Variants in CCDC167 observed in about 807,000 individuals in gnomAD.
The protein encoded by CCDC167 is coiled-coil domain-containing protein 167.
In CCDC167, 15 loss-of-function variants were observed where a neutral mutation model predicts 12.7. The ratio of observed to expected loss-of-function variants is 1.18; its 90% confidence interval spans 0.79 to 1.81. The LOEUF (loss-of-function observed/expected upper bound fraction) is 1.81. Ranked by LOEUF, CCDC167 falls within the 40% of genes most tolerant of loss-of-function variation. The pLI is 0.00. For missense variants in CCDC167, 121 were observed against 120.1 expected (o/e 1.01, Z -0.03); for synonymous variants, 52 against 49.0 (o/e 1.06, Z -0.26).
chr6:37,484,077 AG>A (rs748694576), intron 3 of CCDC167, among the ~76,000 whole-genome samples: 3 of 152,324 alleles, frequency 2.0e-5, no homozygotes, highest in South Asian at 4.1e-4. Flanking sequence ...TCCAGGGCCC[AG>A]GGTGCACCGG....
intron 1 of CCDC167, among the ~76,000 whole-genome samples, chr6:37,497,870 C>T (rs1366015678): frequency 6.6e-6 from 1 of 151,504 alleles, no homozygotes; most frequent in African/African-American, 2.4e-5. Flanking sequence ...CAAAACACAG[C>T]GAAATACCAA....
chr6:37,494,791 C>A (rs2113909558), intron 1 of CCDC167, among the ~76,000 whole-genome samples: 1 of 142,048 alleles, frequency 7.0e-6, no homozygotes, highest in Admixed American at 7.1e-5. Flanking sequence ...ATGCCAGTAG[C>A]CACCTACCTA....
chr6:37,483,140 A>T lies in CCDC167; in HGVS notation c.*46T>A, dbSNP rs1157711261. 5 of 1,467,446 alleles carry T rather than the reference A, an allele frequency of 3.4e-6. No homozygotes were observed. In the African/African-American group the frequency reaches 6.9e-5, roughly 20 times the overall value. The allele number at this position is 1,467,446 out of a possible 1,614,324, so 90.9% of individuals were successfully genotyped here. A position where few individuals can be genotyped will look rare whatever the true frequency, so the allele number is the denominator to read the frequency against. On this transcript the variant is annotated 3_prime_UTR_variant, in exon 4 of 4. Coordinates refer to ENST00000373408, the MANE Select transcript of CCDC167 (RefSeq NM_138493.3). The stretch of plus-strand genomic sequence containing the variant: ...TTGAAGTGCCTGCTTGATCCTGATC[A>T]AGGGGCCAAGTGGAAGCCTGTGCTG...
chr6:37,496,358 G>GGGAGGCT (rs1398610065), intron 1 of CCDC167, among the ~76,000 whole-genome samples: 1 of 152,100 alleles, frequency 6.6e-6, no homozygotes, highest in Non-Finnish European at 1.5e-5. Context: ...GCTTGAACCC[G>GGGAGGCT]GGAGGCTGGA....
intron 1 of CCDC167, among the ~76,000 whole-genome samples, chr6:37,494,305 C>T (rs1329819658): frequency 2.0e-5 from 3 of 152,122 alleles, no homozygotes; most frequent in East Asian, 3.9e-4. Context: ...TCAGGTGATC[C>T]GCCCGCCTGG....
intron 1 of CCDC167, among the ~76,000 whole-genome samples, chr6:37,497,533 T>TGGGGTTG (rs142674563): frequency 2.1e-5 from 3 of 143,906 alleles, no homozygotes; most frequent in African/African-American, 5.3e-5. Context: ...GCCCTATGCT[T>TGGGGTTG]GGGGTCGGGG....
chr6:37,489,343 G>A (rs1761986084), intron 1 of CCDC167, among the ~76,000 whole-genome samples: 1 of 152,198 alleles, frequency 6.6e-6, no homozygotes, highest in African/African-American at 2.4e-5. Context: ...TACCTTGGAT[G>A]TGGCCATTCC....
chr6:37,498,774 G>A (rs1387055780), intron 1 of CCDC167, among the ~76,000 whole-genome samples: 4 of 152,078 alleles, frequency 2.6e-5, no homozygotes, highest in South Asian at 2.1e-4. Flanking sequence ...ACAGTGAGCC[G>A]AGATCACGCC....
At chr6:37,485,485 G>T (rs929886929) in intron 1 of CCDC167, among the ~76,000 whole-genome samples, 4 of 152,270 alleles carry the variant, frequency 2.6e-5, no homozygotes, top group Admixed American at 6.5e-5. Flanking sequence ...CCAAGCACAG[G>T]TTGGGGGTGG....
chr6:37,498,967 C>G (rs570837842), intron 1 of CCDC167, among the ~76,000 whole-genome samples: 18 of 152,306 alleles, frequency 1.2e-4, no homozygotes, highest in African/African-American at 4.3e-4. Flanking sequence ...ACTGAACTCA[C>G]TAGTAAGCCT....
In CCDC167 at chr6:37,499,811, T is replaced by A; in HGVS notation, c.42+11A>T. ...CTAACGAGGTGGCCCAACCCCCACT[T>A]TTCCCCTCACCTCTAGAGCGACGCC... On this transcript the variant is annotated intron_variant, in intron 1 of 3. Transcript: ENST00000373408. 1 of 1,613,832 alleles carries A rather than the reference T, an allele frequency of 6.2e-7. No homozygotes were observed. The highest frequency in any genetic ancestry group is 1.1e-5 in the South Asian group (1 of 91,062).
At chr6:37,486,398 A>G (rs1458221673) in intron 1 of CCDC167, among the ~76,000 whole-genome samples, 1 of 152,176 alleles carries the variant, frequency 6.6e-6, no homozygotes, top group African/African-American at 2.4e-5. Context: ...GCCTCCCACA[A>G]TGGCTGGTTA....
chr6:37,487,432 C>T (rs749861791), intron 1 of CCDC167, among the ~76,000 whole-genome samples: 2 of 152,206 alleles, frequency 1.3e-5, no homozygotes, highest in Admixed American at 6.5e-5. Flanking sequence ...CTGAAACCTC[C>T]GTTCTTCTTG....
intron 1 of CCDC167, among the ~76,000 whole-genome samples, chr6:37,490,644 G>T (rs758959280): frequency 1.3e-5 from 2 of 152,124 alleles, no homozygotes; most frequent in East Asian, 1.9e-4. Flanking sequence ...CTCCACAGAG[G>T]GGGTGTTCTG....
intron 1 of CCDC167, among the ~76,000 whole-genome samples, chr6:37,498,408 A>C (rs932057064): frequency 2.6e-5 from 4 of 151,972 alleles, no homozygotes; most frequent in African/African-American, 9.7e-5. Flanking sequence ...CCACTCATAA[A>C]CCATCCTCTT....
intron 1 of CCDC167, among the ~76,000 whole-genome samples, chr6:37,486,299 C>A (rs1370096876): frequency 6.6e-6 from 1 of 152,220 alleles, no homozygotes; most frequent in African/African-American, 2.4e-5. Flanking sequence ...CACCCCTCTC[C>A]TTATCAGTCT....
At chr6:37,495,215 G>A (rs1332110062) in intron 1 of CCDC167, among the ~76,000 whole-genome samples, 4 of 152,142 alleles carry the variant, frequency 2.6e-5, no homozygotes, top group Non-Finnish European at 4.4e-5. Flanking sequence ...TGTACTAGGG[G>A]TCAGATCCAA....
intron 1 of CCDC167, 117 bp downstream of exon 1, chr6:37,499,705 G>A (rs1174752550): frequency 2.6e-6 from 3 of 1,156,364 alleles, no homozygotes; most frequent in Non-Finnish European, 2.6e-6. Context: ...CCCAAACCGC[G>A]TCGCCCTCTC....
At chr6:37,488,772 GTT>G (rs1357080126) in intron 1 of CCDC167, among the ~76,000 whole-genome samples, 1 of 152,250 alleles carries the variant, frequency 6.6e-6, no homozygotes, top group Admixed American at 6.5e-5. Flanking sequence ...ATTTCAAAGA[GTT>G]TTGTGAGGAT....
Sources: gnomAD v4.1 joint callset for allele counts (sites outside exome capture counted in the v4.1 genomes callset) on GRCh38, gnomAD v4.1.1 for gene constraint, MANE v1.5 for transcripts, NCBI Gene and HGNC (gene_info 2026-07-23, HGNC 2026-07-21) for gene names.